NECAB1: variants seen among roughly 807,000 people sequenced by gnomAD.
NECAB1 encodes N-terminal EF-hand calcium binding protein 1.
Under a neutral mutation model 57.5 loss-of-function variants are expected in NECAB1, and 29 were observed. That is an observed-to-expected ratio of 0.50 (90% confidence interval 0.38 to 0.69). NECAB1 has a LOEUF of 0.69. Among genes scored for constraint, NECAB1 ranks in the 30% least tolerant of loss-of-function variants. The pLI, the probability that NECAB1 is intolerant of heterozygous loss-of-function variation, is 0.00. For missense variants in NECAB1, 372 were observed against 413.8 expected (o/e 0.90, Z 0.88); for synonymous variants, 142 against 147.7 (o/e 0.96, Z 0.28).
At chr8:90,924,386 G>C (rs1810206804) in intron 6 of NECAB1, among the ~76,000 whole-genome samples, 1 of 152,116 alleles carries the variant, frequency 6.6e-6, no homozygotes. Flanking sequence ...TAGTAAAAGG[G>C]GGATCAGAGG....
chr8:90,949,398 G>A (rs944302464), intron 10 of NECAB1, among the ~76,000 whole-genome samples: 8 of 152,264 alleles, frequency 5.3e-5, no homozygotes, highest in Admixed American at 5.2e-4. Context: ...AGGTATGGTG[G>A]TTGATAGGGC....
chr8:90,915,367 T>C (rs1331925243), intron 5 of NECAB1, among the ~76,000 whole-genome samples: 3 of 151,484 alleles, frequency 2.0e-5, no homozygotes, highest in African/African-American at 7.3e-5. Flanking sequence ...TTTTTGAAGT[T>C]TTTTTTTAAC....
At chr8:90,883,674 T>G (rs1296328766) in intron 5 of NECAB1, among the ~76,000 whole-genome samples, 1 of 152,184 alleles carries the variant, frequency 6.6e-6, no homozygotes, top group African/African-American at 2.4e-5. Context: ...CAGCCTTTTG[T>G]CATATCCTCA....
chr8:90,814,799 A>T (rs1386504394), intron 2 of NECAB1, among the ~76,000 whole-genome samples: 1 of 152,014 alleles, frequency 6.6e-6, no homozygotes, highest in African/African-American at 2.4e-5. Flanking sequence ...TTCTCTGAGG[A>T]ACTCAGGTCT....
At chr8:90,823,504 C>T (rs1422579381) in intron 2 of NECAB1, among the ~76,000 whole-genome samples, 2 of 151,750 alleles carry the variant, frequency 1.3e-5, no homozygotes, top group African/African-American at 2.4e-5. Context: ...CCCACCCCTC[C>T]ATGCCCTCTG....
At chr8:90,906,889 A>ATATATATATATATG (rs1586111008) in intron 5 of NECAB1, among the ~76,000 whole-genome samples, 10 of 72,862 alleles carry the variant, frequency 1.4e-4, no homozygotes, top group African/African-American at 5.2e-4. Flanking sequence ...ATATATATAT[A>ATATATATATATATG]TATATATATA....
At chr8:90,859,976 C>A (rs898472939) in intron 3 of NECAB1, among the ~76,000 whole-genome samples, 7 of 152,122 alleles carry the variant, frequency 4.6e-5, no homozygotes, top group African/African-American at 1.7e-4. Flanking sequence ...AGCAACTTTA[C>A]AAGTGAGCCT....
intron 7 of NECAB1, among the ~76,000 whole-genome samples, chr8:90,927,664 G>C (rs1196087897): frequency 1.3e-5 from 2 of 149,432 alleles, no homozygotes; most frequent in East Asian, 3.9e-4. Context: ...AAATACATAT[G>C]TATGTATATA....
At chr8:90,909,521 G>C (rs1396978835) in intron 5 of NECAB1, among the ~76,000 whole-genome samples, 1 of 152,026 alleles carries the variant, frequency 6.6e-6, no homozygotes, top group Non-Finnish European at 1.5e-5. Context: ...GTTTTAGCAT[G>C]TTCACAATTT....
chr8:90,836,344 A>G (rs1812370549), intron 3 of NECAB1, among the ~76,000 whole-genome samples: 1 of 152,226 alleles, frequency 6.6e-6, no homozygotes, highest in African/African-American at 2.4e-5. Context: ...AAAAGCTTTT[A>G]GCAGTTAAAA....
intron 5 of NECAB1, among the ~76,000 whole-genome samples, chr8:90,902,002 GCA>G (rs1318298571): frequency 6.6e-6 from 1 of 152,048 alleles, no homozygotes; most frequent in Non-Finnish European, 1.5e-5. Context: ...AATGTACTTT[GCA>G]CAGTTATATT....
chr8:90,802,606 A>G (rs1811777864), intron 2 of NECAB1, among the ~76,000 whole-genome samples: 1 of 152,198 alleles, frequency 6.6e-6, no homozygotes, highest in Non-Finnish European at 1.5e-5. Flanking sequence ...GGCAGAGTCC[A>G]GATCTGACAG....
chr8:90,852,504 A>C (rs2129781138), intron 3 of NECAB1, among the ~76,000 whole-genome samples: 1 of 152,320 alleles, frequency 6.6e-6, no homozygotes, highest in Non-Finnish European at 1.5e-5. Flanking sequence ...AAGGCCTGAA[A>C]CTGTGGCCCA....
At chr8:90,842,868 A>C (rs1586051350) in intron 3 of NECAB1, among the ~76,000 whole-genome samples, 1 of 152,198 alleles carries the variant, frequency 6.6e-6, no homozygotes, top group Non-Finnish European at 1.5e-5. Flanking sequence ...AGTTCTAGAA[A>C]GGTTGCCTCA....
At chr8:90,911,288 A>T (rs984177948) in intron 5 of NECAB1, among the ~76,000 whole-genome samples, 3 of 152,154 alleles carry the variant, frequency 2.0e-5, no homozygotes, top group Non-Finnish European at 4.4e-5. Flanking sequence ...AAAATCAAAG[A>T]CTAAGAAAGA....
chr8:90,845,668 C>T (rs1181086845), intron 3 of NECAB1, among the ~76,000 whole-genome samples: 3 of 152,142 alleles, frequency 2.0e-5, no homozygotes, highest in Non-Finnish European at 4.4e-5. Flanking sequence ...AGCTATGCAA[C>T]TTTCAAGTAA....
rs542644662 is a variant in NECAB1 at position 90,928,681 on chromosome 8, T to C, written c.693+382T>C. ...AACATCCCTTTAACTTAGGGATAAG[T>C]TGAAGTCTTGGGAATCTTTCAAATT... On this transcript the variant is annotated intron_variant, in intron 8 of 12. Coordinates refer to ENST00000417640, the MANE Select transcript of NECAB1 (RefSeq NM_022351.5). Among the ~76,000 whole-genome samples, 6 of 152,288 alleles carry C rather than the reference T, an allele frequency of 3.9e-5. No individual in the cohort carries two copies. The East Asian group carries it at 9.7e-4, about 24-fold the overall frequency.
chr8:90,794,603 TTTTAACAAGAAAA>T (rs1244423129), intron 1 of NECAB1, among the ~76,000 whole-genome samples: 1 of 152,144 alleles, frequency 6.6e-6, no homozygotes, highest in Non-Finnish European at 1.5e-5. Flanking sequence ...TAGAGACAGA[TTTTAACAAGAAAA>T]TCAGAGATAG....
rs1265429243 is a variant in NECAB1, at chr8:90,904,515, A to G, written c.358-12977A>G. 2.0e-5 allele frequency among the ~76,000 whole-genome samples: 3 copies of G among 152,186 alleles called. No homozygotes were observed. The East Asian group carries it at 5.8e-4, about 29-fold the overall frequency. ...ACCAGTTTTACGGTAGATTAAATAG[A>G]GTAGAAAAGAGAATTAGTGAACTAG... On this transcript the variant is annotated intron_variant, in intron 5 of 12. Transcript: ENST00000417640.
Sources: allele counts gnomAD v4.1 joint callset (sites outside exome capture counted in the v4.1 genomes callset), GRCh38; gene constraint gnomAD v4.1.1; transcripts MANE v1.5; gene names NCBI Gene and HGNC (gene_info 2026-07-23, HGNC 2026-07-21).